RNF220: variants seen among roughly 807,000 people sequenced by gnomAD.
The protein encoded by RNF220 is E3 ubiquitin-protein ligase RNF220.
In RNF220, 7 loss-of-function variants were observed where a neutral mutation model predicts 67.1. The observed-to-expected ratio is 0.10, with a 90% CI of 0.06 to 0.20. The LOEUF (loss-of-function observed/expected upper bound fraction) is 0.20, where lower values mean the gene tolerates loss of function less well. Among genes scored for constraint, RNF220 ranks in the 10% least tolerant of loss-of-function variants. RNF220 has a pLI of 1.00. For missense variants in RNF220, 565 were observed against 740.3 expected, an observed-to-expected ratio of 0.76 and a Z score of 2.75; for synonymous variants, 270 against 283.2, an observed-to-expected ratio of 0.95 and a Z score of 0.47.
chr1:44,635,787 TCTGACC>T, intron 7 of RNF220, 199 bp downstream of exon 7: 1 of 1,346,402 alleles, frequency 7.4e-7, no homozygotes, highest in Non-Finnish European at 9.9e-7. Flanking sequence ...CTTCTTCCCT[TCTGACC>T]ACTGCTCTCT....
At chr1:44,555,452 T>G (rs1193994960) in intron 2 of RNF220, among the ~76,000 whole-genome samples, 1 of 152,064 alleles carries the variant, frequency 6.6e-6, no homozygotes, top group Non-Finnish European at 1.5e-5. Flanking sequence ...CCAGCTATAC[T>G]GAACGTACCA....
chr1:44,571,429 C>T (rs1222150070), intron 2 of RNF220, among the ~76,000 whole-genome samples: 1 of 152,230 alleles, frequency 6.6e-6, no homozygotes, highest in African/African-American at 2.4e-5. Context: ...TCTCCTTACC[C>T]TGCTCATTTT....
chr1:44,614,476 T>C (rs2148429833), intron 3 of RNF220, among the ~76,000 whole-genome samples, 179 bp downstream of exon 3: 1 of 152,282 alleles, frequency 6.6e-6, no homozygotes, highest in South Asian at 2.1e-4. Context: ...GGAGCCACCT[T>C]CCTCTTCTTG....
intron 1 of RNF220, among the ~76,000 whole-genome samples, chr1:44,411,288 A>G (rs1439141042): frequency 6.6e-6 from 1 of 152,226 alleles, no homozygotes; most frequent in African/African-American, 2.4e-5. Flanking sequence ...AGAGAAATAG[A>G]AAGCCCATGT....
intron 5 of RNF220, among the ~76,000 whole-genome samples, chr1:44,631,225 G>C (rs1410816823): frequency 6.6e-6 from 1 of 152,256 alleles, no homozygotes; most frequent in Non-Finnish European, 1.5e-5. Context: ...GCGCAGAGAT[G>C]AATGTACTCT....
rs182110700 is a variant in RNF220 at position 44,440,876 on chromosome 1, T to G, written c.625+28154T>G. 2.3e-3 allele frequency among the ~76,000 whole-genome samples: 347 copies of G among 152,218 alleles called. 1 individual carries two copies. The highest frequency in any genetic ancestry group is 8.1e-3 in the African/African-American group (337 of 41,536). The stretch of plus-strand genomic sequence containing the variant: ...AGCTGTGCCTCCTGTTCCCTGAGTC[T>G]CAAAGAAAAACTCCTCCAGGTGCTC... On this transcript the variant is annotated intron_variant, in intron 2 of 14. Coordinates refer to ENST00000361799, the MANE Select transcript of RNF220 (RefSeq NM_018150.4).
At chr1:44,504,028 T>C (rs1030068327) in intron 2 of RNF220, among the ~76,000 whole-genome samples, 3 of 152,096 alleles carry the variant, frequency 2.0e-5, no homozygotes, top group African/African-American at 7.2e-5. Flanking sequence ...TGTTTTTATT[T>C]TTAGTAGAGA....
intron 2 of RNF220, among the ~76,000 whole-genome samples, chr1:44,503,394 G>A (rs952055029): frequency 1.3e-5 from 2 of 149,618 alleles, no homozygotes; most frequent in Non-Finnish European, 3.0e-5. Flanking sequence ...AGGTGAAAAC[G>A]TGTCCCACCA....
chr1:44,545,749 G>A (rs1054081099), intron 2 of RNF220, among the ~76,000 whole-genome samples: 9 of 146,294 alleles, frequency 6.2e-5, no homozygotes, highest in Non-Finnish European at 1.3e-4. Context: ...CTCTTCATCA[G>A]AAACCCAATT....
intron 4 of RNF220, among the ~76,000 whole-genome samples, chr1:44,623,422 T>C (rs1301078081): frequency 6.6e-6 from 1 of 152,210 alleles, no homozygotes; most frequent in Non-Finnish European, 1.5e-5. Flanking sequence ...ACAATGACAT[T>C]TGTATCAAGA....
chr1:44,557,141 C>T lies in RNF220; in HGVS notation c.626-57024C>T, dbSNP rs914686445. On this transcript the variant is annotated intron_variant, in intron 2 of 14. Coordinates refer to ENST00000361799, the MANE Select transcript of RNF220 (RefSeq NM_018150.4). ...TATATATGTATATATATTTTATATACGTATGTATATATAATATATATACAT... is the reference window on the plus strand; with the variant it reads ...TATATATGTATATATATTTTATATATGTATGTATATATAATATATATACAT... Among the ~76,000 whole-genome samples, 70 of 143,866 alleles carry T rather than the reference C, an allele frequency of 4.9e-4. 1 individual carries two copies. In the South Asian group the frequency reaches 5.9e-3, roughly 12 times the overall value. The allele number at this position is 143,866 out of a possible 152,430, so 94.4% of individuals were successfully genotyped here. A position where few individuals can be genotyped will look rare whatever the true frequency, so the allele number is the denominator to read the frequency against.
intron 2 of RNF220, among the ~76,000 whole-genome samples, chr1:44,573,781 C>T (rs1249479703): frequency 6.6e-6 from 1 of 152,210 alleles, no homozygotes; most frequent in Non-Finnish European, 1.5e-5. Flanking sequence ...CTGGAATCAT[C>T]CCTATGTCCT....
At chr1:44,585,985 G>T (rs534675686) in intron 2 of RNF220, among the ~76,000 whole-genome samples, 1 of 152,134 alleles carries the variant, frequency 6.6e-6, no homozygotes, top group Non-Finnish European at 1.5e-5. Flanking sequence ...TCATCAGGCT[G>T]CCTCCCTGTT....
At chr1:44,556,149 C>T (rs1029858689) in intron 2 of RNF220, among the ~76,000 whole-genome samples, 4 of 135,322 alleles carry the variant, frequency 3.0e-5, no homozygotes, top group Non-Finnish European at 3.4e-5. Context: ...ATTCTTGTAC[C>T]TCAGCCTCCC....
At chr1:44,514,942 G>T (rs931592363) in intron 2 of RNF220, among the ~76,000 whole-genome samples, 1 of 152,156 alleles carries the variant, frequency 6.6e-6, no homozygotes, top group Non-Finnish European at 1.5e-5. Context: ...AAGCAAAGGG[G>T]TAGGAGCTGG....
At position 44,405,374 on chromosome 1, in the gene RNF220, C is replaced by CCTGCTGCTG. The variant is rs773854878; in HGVS notation, c.-272_-271insGCTGCTGCT. 4 of 578,714 alleles carry CCTGCTGCTG rather than the reference C, an allele frequency of 6.9e-6. No individual in the cohort carries two copies. The East Asian group carries it at 9.9e-5, about 14-fold the overall frequency. 35.8% of individuals were successfully genotyped at this position (578,714 alleles called of 1,614,324 possible). ...GCGAACACAAACCCGGGGCCAGCCG[C>CCTGCTGCTG]CTACTGCTGCTGCTGCTGCTGCCGC... On this transcript the variant is annotated 5_prime_UTR_variant, in exon 1 of 15. Transcript: ENST00000361799.
chr1:44,498,844 A>G (rs1441129322), intron 2 of RNF220, among the ~76,000 whole-genome samples: 1 of 152,130 alleles, frequency 6.6e-6, no homozygotes, highest in Non-Finnish European at 1.5e-5. Context: ...TGCTGTTCCA[A>G]GGGCCACACT....
At chr1:44,541,767 G>A (rs183538004) in intron 2 of RNF220, among the ~76,000 whole-genome samples, 18 of 152,298 alleles carry the variant, frequency 1.2e-4, no homozygotes, top group African/African-American at 4.1e-4. Flanking sequence ...ACACTGAACC[G>A]TCATCTGAGC....
chr1:44,434,575 G>A (rs535594521), intron 2 of RNF220, among the ~76,000 whole-genome samples: 1 of 152,094 alleles, frequency 6.6e-6, no homozygotes, highest in African/African-American at 2.4e-5. Flanking sequence ...AAATTAGCCA[G>A]GCATGGTGGT....
Sources: allele counts gnomAD v4.1 joint callset (sites outside exome capture counted in the v4.1 genomes callset), GRCh38; gene constraint gnomAD v4.1.1; transcripts MANE v1.5; gene names NCBI Gene and HGNC (gene_info 2026-07-23, HGNC 2026-07-21).